SOX13: variants seen among roughly 807,000 people sequenced by gnomAD.
SOX13 encodes transcription factor SOX-13.
In SOX13, 28 loss-of-function variants were observed where a neutral mutation model predicts 71.8. That is an observed-to-expected ratio of 0.39 (90% CI 0.29 to 0.53). The LOEUF is 0.53. Ranked by LOEUF, SOX13 falls within the 20% of genes least tolerant of loss-of-function variation. The pLI is 0.70. For missense variants in SOX13, 627 were observed against 810.3 expected, an observed-to-expected ratio of 0.77 and a Z score of 2.75; for synonymous variants, 309 against 317.8, an observed-to-expected ratio of 0.97 and a Z score of 0.29.
Position 204,099,424 on chromosome 1 carries a change from C to CTTTTTTTT in SOX13, c.-1-13475_-1-13468dup, listed in dbSNP as rs200311750. On this transcript the variant is annotated intron_variant, in intron 1 of 13. Transcript: ENST00000367204. ...TTGGTGTCTCAGTGTCTTTTTCTGG[C>CTTTTTTTT]TTTTTTTTTTTTTTTTTTTTTTTGA... is the stretch of plus-strand genomic sequence containing the variant. Among the ~76,000 whole-genome samples, 6 of 93,486 alleles carry CTTTTTTTT rather than the reference C, an allele frequency of 6.4e-5. 1 individual carries two copies. The highest frequency in any genetic ancestry group is 8.4e-5 in the Non-Finnish European group (4 of 47,562). 61.3% of individuals were successfully genotyped at this position (93,486 alleles called of 152,430 possible).
intron 1 of SOX13, among the ~76,000 whole-genome samples, chr1:204,086,243 A>G (rs1656015703): frequency 6.6e-6 from 1 of 152,054 alleles, no homozygotes; most frequent in South Asian, 2.1e-4. Flanking sequence ...CCCCCTCCTC[A>G]GTTCACTGCA....
intron 1 of SOX13, among the ~76,000 whole-genome samples, chr1:204,107,437 C>A (rs536780692): frequency 1.3e-5 from 2 of 152,192 alleles, no homozygotes; most frequent in African/African-American, 4.8e-5. Context: ...CACATAATGA[C>A]CCCTCTCTTT....
At chr1:204,095,679 A>T (rs180895895) in intron 1 of SOX13, among the ~76,000 whole-genome samples, 2 of 152,200 alleles carry the variant, frequency 1.3e-5, no homozygotes, top group African/African-American at 2.4e-5. Flanking sequence ...ATTAAAGTAG[A>T]CATAATGTAA....
intron 1 of SOX13, among the ~76,000 whole-genome samples, chr1:204,107,390 G>A (rs894419496): frequency 2.6e-5 from 4 of 152,106 alleles, no homozygotes; most frequent in African/African-American, 9.7e-5. Context: ...GAAGCAAACT[G>A]TGCAGACCCC....
intron 1 of SOX13, among the ~76,000 whole-genome samples, chr1:204,104,200 C>A (rs573412680): frequency 2.6e-5 from 4 of 152,262 alleles, no homozygotes; most frequent in African/African-American, 9.6e-5. Context: ...ATGTTGGCCA[C>A]TCTACCAGGT....
intron 1 of SOX13, among the ~76,000 whole-genome samples, chr1:204,080,165 G>C (rs1044856158): frequency 1.3e-5 from 2 of 152,154 alleles, no homozygotes; most frequent in African/African-American, 4.8e-5. Flanking sequence ...TTGGTCACAG[G>C]AAGTCTGACA....
intron 1 of SOX13, among the ~76,000 whole-genome samples, chr1:204,092,266 C>T (rs12074086): frequency 0.21 from 32,570 of 152,004 alleles, 3,977 homozygotes; most frequent in African/African-American, 0.32. Context: ...GCCTTGGTCT[C>T]CTGAAGCACG....
rs746905921 is a variant in SOX13 at position 204,126,576 on chromosome 1, G to A, written c.*442G>A. ...AGACTGCTCGTCTATCACCAGGATCGCTTTGTACTTTGTGCAAAAGGGTCT... is the reference window on the plus strand; with the variant it reads ...AGACTGCTCGTCTATCACCAGGATCACTTTGTACTTTGTGCAAAAGGGTCT... On this transcript the variant is annotated 3_prime_UTR_variant, in exon 14 of 14. Coordinates refer to ENST00000367204, the MANE Select transcript of SOX13 (RefSeq NM_005686.3). 41 of 209,176 alleles carry A rather than the reference G, an allele frequency of 2.0e-4. No individual in the cohort carries two copies. The highest frequency in any genetic ancestry group is 7.9e-4 in the Admixed American group (15 of 19,100). 13.0% of individuals were successfully genotyped at this position (209,176 alleles called of 1,614,324 possible). A position where few individuals can be genotyped will look rare whatever the true frequency, so the allele number is the denominator to read the frequency against.
At chr1:204,116,467 A>T (rs759721477) in intron 4 of SOX13, 40 bp from the exon 5 acceptor site, 1 of 1,613,080 alleles carries the variant, frequency 6.2e-7, no homozygotes, top group Non-Finnish European at 8.5e-7. Flanking sequence ...TAGATGAACA[A>T]GTAAAAAGTC....
chr1:204,082,765 G>GATT, intron 1 of SOX13, among the ~76,000 whole-genome samples: 1 of 152,178 alleles, frequency 6.6e-6, no homozygotes, highest in Non-Finnish European at 1.5e-5. Flanking sequence ...TAGAGAAAGG[G>GATT]GACCTGTGTC....
At chr1:204,113,815 AGAGGAGT>A (rs1269837517) in intron 2 of SOX13, among the ~76,000 whole-genome samples, 1 of 152,116 alleles carries the variant, frequency 6.6e-6, no homozygotes, top group Non-Finnish European at 1.5e-5. Flanking sequence ...TTTGACGAGA[AGAGGAGT>A]GAGGCAGGCA....
chr1:204,099,210 TG>T (rs1656312019), intron 1 of SOX13, among the ~76,000 whole-genome samples: 1 of 152,222 alleles, frequency 6.6e-6, no homozygotes, highest in Non-Finnish European at 1.5e-5. Flanking sequence ...CACTACTCAC[TG>T]GCTATGACCT....
intron 1 of SOX13, among the ~76,000 whole-genome samples, chr1:204,075,870 A>C (rs1655776545): frequency 6.6e-6 from 1 of 152,206 alleles, no homozygotes; most frequent in Non-Finnish European, 1.5e-5. Flanking sequence ...ATGAGCTATT[A>C]TTGCCATTAT....
At chr1:204,097,456 C>T (rs1656273149) in intron 1 of SOX13, among the ~76,000 whole-genome samples, 1 of 152,150 alleles carries the variant, frequency 6.6e-6, no homozygotes, top group Admixed American at 6.5e-5. Flanking sequence ...CTTTGGGAGG[C>T]CGAGGTGGGT....
At chr1:204,114,458 C>A (rs780325630) in intron 3 of SOX13, 26 bp downstream of exon 3, 1 of 1,605,996 alleles carries the variant, frequency 6.2e-7, no homozygotes, top group African/African-American at 1.3e-5. Context: ...TAGTTAGAAG[C>A]AGAGGCCTGA....
At chr1:204,082,389 AG>A (rs1421049556) in intron 1 of SOX13, among the ~76,000 whole-genome samples, 4 of 152,036 alleles carry the variant, frequency 2.6e-5, no homozygotes, top group Non-Finnish European at 4.4e-5. Flanking sequence ...GATGTCAAGA[AG>A]GAAGGGAGAG....
At chr1:204,115,827 C>T (rs370201219) in intron 4 of SOX13, among the ~76,000 whole-genome samples, 23 of 151,750 alleles carry the variant, frequency 1.5e-4, no homozygotes, top group African/African-American at 3.9e-4. Flanking sequence ...CCACCATACC[C>T]GGCTAATTTT....
rs749489077 is a variant in SOX13, at chr1:204,123,224, C to T, written c.1231+16C>T. The T allele has an allele frequency of 1.3e-6, 2 of 1,597,592 alleles. No individual in the cohort carries two copies. The highest frequency in any genetic ancestry group is 1.1e-5 in the South Asian group (1 of 90,776). On this transcript the variant is annotated intron_variant, in intron 11 of 13. Coordinates refer to ENST00000367204, the MANE Select transcript of SOX13 (RefSeq NM_005686.3). This position sits in a 1 kb window ranked among gnomAD's most constrained non-coding sequence, Gnocchi z 5.0. ...GACATGGATGGTGAGGGCTCAGGCG[C>T]AGGGCTGATGCGCAGGAGGGCCCAA... is the stretch of plus-strand genomic sequence containing the variant.
intron 4 of SOX13, among the ~76,000 whole-genome samples, chr1:204,115,398 T>C (rs1221170698): frequency 2.0e-5 from 3 of 148,220 alleles, no homozygotes; most frequent in Admixed American, 6.8e-5. Context: ...CCCCCACCTA[T>C]TGAATGGGAA....
Sources: allele counts gnomAD v4.1 joint callset (sites outside exome capture counted in the v4.1 genomes callset), GRCh38; gene constraint gnomAD v4.1.1; non-coding constraint Gnocchi (gnomAD v3.1); transcripts MANE v1.5; gene names NCBI Gene and HGNC (gene_info 2026-07-23, HGNC 2026-07-21).